The following ATP10A variants were observed in gnomAD, a reference collection of about 807,000 sequenced individuals.
The protein encoded by ATP10A is ATPase phospholipid transporting 10A (putative), also known as phospholipid-transporting ATPase VA.
A neutral mutation model predicts 147.8 loss-of-function variants in ATP10A; 111 were observed. That is an observed-to-expected ratio of 0.75 (90% CI 0.64 to 0.88). The LOEUF is 0.88. Ranked by LOEUF, ATP10A falls within the 40% of genes least tolerant of loss-of-function variation. ATP10A has a pLI of 0.00. For missense variants in ATP10A, 1,927 were observed against 1,959.0 expected (o/e 0.98, Z 0.31); for synonymous variants, 875 against 841.6 (o/e 1.04, Z -0.69).
At position 25,681,065 on chromosome 15, in the gene ATP10A, G is replaced by A. The variant is rs748117534; in HGVS notation, c.3502C>T (p.Pro1168Ser). The change falls in exon 18 of 21, where the codon CCA (proline) becomes TCA (serine). Residue 1168 changes from proline (P) to serine (S), a missense_variant. Pro to Ser is a moderately conservative substitution (Grantham distance 74, BLOSUM62 -1). Transcript: ENST00000555815. Reference protein sequence around the residue: ...KSGQNMEEYRPRTFWFNMADA... With the variant: ...KSGQNMEEYRSRTFWFNMADA... ...GCCATGTTAAACCAGAACGTTCGTG[G>A]CCGGTATTCCTGGGACACAAAAACA... is the stretch of plus-strand genomic sequence containing the variant. 1.9e-6 allele frequency: 3 copies of A among 1,613,676 alleles called. No homozygotes were observed. The highest frequency in any genetic ancestry group is 2.5e-6 in the Non-Finnish European group (3 of 1,179,642).
chr15:25,729,441 GC>G (rs1902810753), intron 3 of ATP10A, among the ~76,000 whole-genome samples: 1 of 152,214 alleles, frequency 6.6e-6, no homozygotes, highest in South Asian at 2.1e-4. Flanking sequence ...TCAGGCGTCT[GC>G]ATTTCTCTGC....
At chr15:25,772,091 A>G (rs1206848261) in intron 2 of ATP10A, among the ~76,000 whole-genome samples, 2 of 152,026 alleles carry the variant, frequency 1.3e-5, no homozygotes, top group East Asian at 3.9e-4. Flanking sequence ...TTCCTATTTT[A>G]CCGGGACACA....
At chr15:25,758,803 A>G (rs1189493904) in intron 2 of ATP10A, among the ~76,000 whole-genome samples, 2 of 115,426 alleles carry the variant, frequency 1.7e-5, no homozygotes, top group Non-Finnish European at 3.4e-5. Flanking sequence ...CACCTGCTCC[A>G]CCCTAACTCA....
Position 25,699,162 on chromosome 15 carries a change from G to A in ATP10A, c.2760+2754C>T, listed in dbSNP as rs540619790. ...AATTTTGAAATAGAATAAAGTTGGA[G>A]GAATAACACTACCAATTTTTAAGAC... is the stretch of plus-strand genomic sequence containing the variant. On this transcript the variant is annotated intron_variant, in intron 13 of 20. Transcript: ENST00000555815. 7.9e-5 allele frequency among the ~76,000 whole-genome samples: 12 copies of A among 152,244 alleles called. No individual in the cohort carries two copies. In the South Asian group the frequency reaches 2.5e-3, roughly 32 times the overall value.
chr15:25,716,872 T>C lies in ATP10A; in HGVS notation c.1634A>G (p.Asp545Gly), dbSNP rs1901851886. ...ATGCCTCGCCACGGCTAGGCTCTTG[T>C]CACACTCACTCACCTTCTCCAGCAG... ...PKLLEKVSEC[D>G]KSLAVARHQE... Residue 545 changes from aspartate to glycine, a missense_variant, in exon 9 of 21, where the codon GAC (aspartate) becomes GGC (glycine). Transcript: ENST00000555815. The C allele has an allele frequency of 1.9e-6, 3 of 1,605,482 alleles. No homozygotes were observed. The highest frequency in any genetic ancestry group is 2.6e-6 in the Non-Finnish European group (3 of 1,176,042).
chr15:25,692,129 T>C (rs1437375638), intron 14 of ATP10A, among the ~76,000 whole-genome samples: 1 of 152,078 alleles, frequency 6.6e-6, no homozygotes, highest in Non-Finnish European at 1.5e-5. Context: ...CATCATTAGT[T>C]ACTGAGCCAC....
At chr15:25,829,434 G>A (rs2140865164) in intron 1 of ATP10A, among the ~76,000 whole-genome samples, 1 of 152,322 alleles carries the variant, frequency 6.6e-6, no homozygotes, top group African/African-American at 2.4e-5. Flanking sequence ...TGAGTATTGA[G>A]TGTTGATGTT....
chr15:25,693,286 C>G (rs1015844897), intron 14 of ATP10A, among the ~76,000 whole-genome samples: 3 of 152,156 alleles, frequency 2.0e-5, no homozygotes, highest in Non-Finnish European at 2.9e-5. Context: ...GCCTCCCAAA[C>G]TGTTGAGATG....
chr15:25,849,337 TC>T (rs1442243351), intron 1 of ATP10A, among the ~76,000 whole-genome samples: 1 of 152,138 alleles, frequency 6.6e-6, no homozygotes, highest in Non-Finnish European at 1.5e-5. Flanking sequence ...GGCCTGTCCC[TC>T]CGGAGGCAGC....
chr15:25,863,100 C>T lies in ATP10A; in HGVS notation c.-4G>A. The T allele has an allele frequency of 3.4e-6, 4 of 1,175,038 alleles. No individual in the cohort carries two copies. Among genetic ancestry groups the T allele is most frequent in the Non-Finnish European group, 4.2e-6 (4 of 953,032 alleles). 72.8% of individuals were successfully genotyped at this position (1,175,038 alleles called of 1,614,324 possible). A position where few individuals can be genotyped will look rare whatever the true frequency, so the allele number is the denominator to read the frequency against. On this transcript the variant is annotated 5_prime_UTR_variant, in exon 1 of 21. Transcript: ENST00000555815. ...TCCCCGCCGGCTCCCGCTCCATGGCCGCGTGTCGCCGCGCCCGGCTCCTCC... is the reference window on the plus strand; with the variant it reads ...TCCCCGCCGGCTCCCGCTCCATGGCTGCGTGTCGCCGCGCCCGGCTCCTCC...
chr15:25,835,946 T>C (rs1274656687), intron 1 of ATP10A, among the ~76,000 whole-genome samples: 11 of 152,232 alleles, frequency 7.2e-5, no homozygotes, highest in Non-Finnish European at 1.3e-4. Context: ...CCCGAGTAGC[T>C]GGGACCACAG....
chr15:25,781,018 C>A lies in ATP10A; in HGVS notation c.654+1G>T. 6.2e-7 allele frequency: 1 copy of A among 1,613,586 alleles called. No individual in the cohort carries two copies. Among genetic ancestry groups the A allele is most frequent in the Non-Finnish European group, 8.5e-7 (1 of 1,179,962 alleles). On this transcript the variant is annotated splice_donor_variant, in intron 2 of 20. Transcript: ENST00000555815. LOFTEE classifies it high-confidence loss of function. ...AGGCCCTGGAAACGTGGGTCACTTA[C>A]AAGCTCCGAGAAGCCGCGGACCACC...
chr15:25,674,565 C>A (rs531040378), downstream of ATP10A, among the ~76,000 whole-genome samples: 1 of 152,212 alleles, frequency 6.6e-6, no homozygotes, highest in Non-Finnish European at 1.5e-5. Flanking sequence ...AGAAACTTCA[C>A]AGCTTCATTC....
intron 13 of ATP10A, 115 bp from the exon 14 acceptor site, chr15:25,695,261 C>G: frequency 1.0e-6 from 1 of 971,178 alleles, no homozygotes; most frequent in Non-Finnish European, 1.5e-6. Context: ...CTGCAGTACC[C>G]GCCTGCCCAG....
chr15:25,781,649 C>T lies in ATP10A; in HGVS notation c.450-426G>A, dbSNP rs113044357. ...CAGCCTGGGCTATAGAGTGATATTCCGTCTCAAAAAAAAAGAAGGAAAAAA... is the reference window on the plus strand; with the variant it reads ...CAGCCTGGGCTATAGAGTGATATTCTGTCTCAAAAAAAAAGAAGGAAAAAA... On this transcript the variant is annotated intron_variant, in intron 1 of 20. Coordinates refer to ENST00000555815, the MANE Select transcript of ATP10A (RefSeq NM_024490.4). Among the ~76,000 whole-genome samples, 438 of 150,468 alleles carry T rather than the reference C, an allele frequency of 2.9e-3. 3 individuals are homozygous for T. Among genetic ancestry groups the T allele is most frequent in the Admixed American group, 4.4e-3 (66 of 15,078 alleles).
chr15:25,699,192 A>G (rs1370328857), intron 13 of ATP10A, among the ~76,000 whole-genome samples: 1 of 152,224 alleles, frequency 6.6e-6, no homozygotes, highest in Non-Finnish European at 1.5e-5. Context: ...TAAGACTTAT[A>G]AAAAACTACA....
At chr15:25,851,333 T>C (rs1225036258) in intron 1 of ATP10A, among the ~76,000 whole-genome samples, 1 of 151,782 alleles carries the variant, frequency 6.6e-6, no homozygotes, top group Non-Finnish European at 1.5e-5. Context: ...CTAGGTTGAG[T>C]TTCCTTTTGA....
At chr15:25,677,678 TGTCA>T (rs1899166696), downstream of ATP10A, 1 of 152,354 alleles carries the variant, frequency 6.6e-6, no homozygotes, top group African/African-American at 2.4e-5. Flanking sequence ...TTGGGACGGC[TGTCA>T]CCTTCGGTCC....
intron 9 of ATP10A, among the ~76,000 whole-genome samples, chr15:25,716,373 C>A (rs921651331): frequency 1.3e-5 from 2 of 152,130 alleles, no homozygotes; most frequent in Admixed American, 6.5e-5. Flanking sequence ...GGCCAGGCAG[C>A]GAAGGAAGGA....
Sources: allele counts gnomAD v4.1 joint callset (sites outside exome capture counted in the v4.1 genomes callset), GRCh38; gene constraint gnomAD v4.1.1; transcripts MANE v1.5; gene names NCBI Gene and HGNC (gene_info 2026-07-23, HGNC 2026-07-21).